The following STRN variants were observed in gnomAD, a reference collection of about 807,000 sequenced individuals.
The protein encoded by STRN is protein phosphatase 2 regulatory subunit B'''alpha.
In STRN, 53 loss-of-function variants were observed where a neutral mutation model predicts 96.3. The ratio of observed to expected loss-of-function variants is 0.55; its 90% CI spans 0.44 to 0.69. STRN has a LOEUF of 0.69. Ranked by LOEUF, STRN falls within the 30% of genes least tolerant of loss-of-function variation. The pLI, the probability that STRN is intolerant of heterozygous loss-of-function variation, is 0.00. For synonymous variants in STRN, 428 were observed against 355.9 expected (o/e 1.20, Z -2.28); for missense variants, 987 against 963.9 (o/e 1.02, Z -0.32).
intron 1 of STRN, among the ~76,000 whole-genome samples, chr2:36,963,267 A>G (rs779514044): frequency 6.6e-6 from 1 of 152,200 alleles, no homozygotes; most frequent in Non-Finnish European, 1.5e-5. Context: ...TGGCAACCTG[A>G]AAGAGCAGGA....
intron 1 of STRN, among the ~76,000 whole-genome samples, chr2:36,928,759 A>C (rs1670488581): frequency 6.6e-6 from 1 of 151,622 alleles, no homozygotes; most frequent in Non-Finnish European, 1.5e-5. Context: ...CCTGACCAAG[A>C]TGGTGAAACC....
At chr2:36,951,277 T>G (rs1486162610) in intron 1 of STRN, among the ~76,000 whole-genome samples, 2 of 152,224 alleles carry the variant, frequency 1.3e-5, no homozygotes, top group East Asian at 3.8e-4. Flanking sequence ...AAAACCCAAG[T>G]GCAATTTGCT....
Position 36,845,917 on chromosome 2 carries a change from A to ACG in STRN, c.*3538_*3539insCG. ...CACACACACACACACGCATGCATGC[A>ACG]CACACACACACACACACACACACAC... is the stretch of plus-strand genomic sequence containing the variant. On this transcript the variant is annotated 3_prime_UTR_variant, in exon 18 of 18. Coordinates refer to ENST00000263918, the MANE Select transcript of STRN (RefSeq NM_003162.4). 7.2e-5 allele frequency: 1 copy of ACG among 13,822 alleles called. No homozygotes were observed. Among genetic ancestry groups the ACG allele is most frequent in the African/African-American group, 2.5e-4 (1 of 3,992 alleles). The allele number at this position is 13,822 out of a possible 1,614,324, so 0.9% of individuals were successfully genotyped here. A position where few individuals can be genotyped will look rare whatever the true frequency, so the allele number is the denominator to read the frequency against.
intron 1 of STRN, among the ~76,000 whole-genome samples, chr2:36,936,405 A>T (rs567729232): frequency 2.0e-5 from 3 of 152,326 alleles, no homozygotes; most frequent in African/African-American, 7.2e-5. Flanking sequence ...TTTTAATACA[A>T]CTATGTGGAA....
chr2:36,899,399 C>G (rs768882654), intron 6 of STRN, 124 bp downstream of exon 6: 7 of 903,764 alleles, frequency 7.7e-6, no homozygotes, highest in Non-Finnish European at 1.1e-5. Flanking sequence ...TCATAAATGT[C>G]TCCAAATTCA....
chr2:36,961,414 C>G (rs1258154493), intron 1 of STRN, among the ~76,000 whole-genome samples: 2 of 152,054 alleles, frequency 1.3e-5, no homozygotes, highest in African/African-American at 4.8e-5. Flanking sequence ...GGTTTTGAGC[C>G]ACTGCACCTG....
chr2:36,870,503 T>C (rs938099537), intron 10 of STRN, among the ~76,000 whole-genome samples: 2 of 152,182 alleles, frequency 1.3e-5, no homozygotes, highest in Admixed American at 1.3e-4. Context: ...ACCACATATA[T>C]GATGCTGGTC....
At chr2:36,860,293 G>A (rs1668443213) in intron 13 of STRN, among the ~76,000 whole-genome samples, 1 of 152,192 alleles carries the variant, frequency 6.6e-6, no homozygotes, top group African/African-American at 2.4e-5. Context: ...ATGAGGGACA[G>A]TTGATCCTCT....
chr2:36,869,492 T>C, intron 11 of STRN, 62 bp downstream of exon 11: 2 of 1,288,268 alleles, frequency 1.6e-6, no homozygotes, highest in East Asian at 2.8e-5. Flanking sequence ...ATAAAATATG[T>C]AGTTTTCTGC....
chr2:36,929,162 A>G (rs1046162038), intron 1 of STRN, among the ~76,000 whole-genome samples: 22 of 152,142 alleles, frequency 1.4e-4, no homozygotes, highest in African/African-American at 5.3e-4. Context: ...TAACCATTAT[A>G]AACAAAAAAG....
chr2:36,923,471 AC>A (rs1670318321), intron 2 of STRN, among the ~76,000 whole-genome samples: 1 of 149,894 alleles, frequency 6.7e-6, no homozygotes, highest in African/African-American at 2.5e-5. Context: ...AAAACAACTC[AC>A]TACTCCCAAA....
intron 1 of STRN, among the ~76,000 whole-genome samples, chr2:36,958,415 C>T (rs557047339): frequency 6.6e-6 from 1 of 152,268 alleles, no homozygotes; most frequent in Non-Finnish European, 1.5e-5. Flanking sequence ...AAAGATGACA[C>T]TGAAAATACC....
At chr2:36,927,942 A>G (rs1417588448) in intron 1 of STRN, among the ~76,000 whole-genome samples, 2 of 152,334 alleles carry the variant, frequency 1.3e-5, no homozygotes, top group Admixed American at 6.5e-5. Flanking sequence ...ACAGACAAGA[A>G]TATGTATACA....
At chr2:36,925,818 G>T (rs1258229176) in intron 1 of STRN, among the ~76,000 whole-genome samples, 1 of 152,114 alleles carries the variant, frequency 6.6e-6, no homozygotes, top group East Asian at 1.9e-4. Context: ...CAAATGCAAG[G>T]TGTACAGTAC....
intron 10 of STRN, 61 bp downstream of exon 10, chr2:36,877,830 C>A (rs1668955262): frequency 1.3e-6 from 2 of 1,596,322 alleles, no homozygotes; most frequent in South Asian, 1.1e-5. Flanking sequence ...CCACCGCACC[C>A]AGCCCAAGTT....
intron 2 of STRN, among the ~76,000 whole-genome samples, chr2:36,921,877 C>T (rs961611627): frequency 6.6e-6 from 1 of 151,972 alleles, no homozygotes; most frequent in African/African-American, 2.4e-5. Context: ...TGCTTAACAA[C>T]TAAATGCAGT....
At chr2:36,945,962 CTTT>C (rs1019352328) in intron 1 of STRN, among the ~76,000 whole-genome samples, 2 of 151,046 alleles carry the variant, frequency 1.3e-5, no homozygotes, top group African/African-American at 4.9e-5. Flanking sequence ...TTAAAATAAA[CTTT>C]TTTTTTAAGG....
chr2:36,861,560 A>C (rs945157225), intron 12 of STRN, among the ~76,000 whole-genome samples: 2 of 152,226 alleles, frequency 1.3e-5, no homozygotes, highest in African/African-American at 4.8e-5. Flanking sequence ...AATATGCAAC[A>C]GAAATTATAT....
At position 36,847,464 on chromosome 2, in the gene STRN, G is replaced by A. The variant is rs533965567; in HGVS notation, c.*1992C>T. 1.4e-4 allele frequency: 22 copies of A among 152,106 alleles called. No homozygotes were observed. The South Asian group carries it at 4.6e-3, about 32-fold the overall frequency. 9.4% of individuals were successfully genotyped at this position (152,106 alleles called of 1,614,324 possible). Reference sequence around the variant, plus strand: ...AGAAACATTCTTTCTTCACTGTGAAGAACCAAAAGAAATTTACTGAACACA... The same window carrying A: ...AGAAACATTCTTTCTTCACTGTGAAAAACCAAAAGAAATTTACTGAACACA... On this transcript the variant is annotated 3_prime_UTR_variant, in exon 18 of 18. Coordinates refer to ENST00000263918, the MANE Select transcript of STRN (RefSeq NM_003162.4).
Sources: allele counts gnomAD v4.1 joint callset (sites outside exome capture counted in the v4.1 genomes callset), GRCh38; gene constraint gnomAD v4.1.1; transcripts MANE v1.5; gene names NCBI Gene and HGNC (gene_info 2026-07-23, HGNC 2026-07-21).